The following RARB variants were observed in gnomAD, a reference collection of about 807,000 sequenced individuals.
RARB encodes retinoic acid receptor beta, also known as HBV-activated protein.
RARB carries 17 observed loss-of-function variants against 51.9 expected under a neutral mutation model. The observed-to-expected ratio is 0.33, with a 90% confidence interval of 0.22 to 0.49. RARB has a LOEUF of 0.49. Among genes scored for constraint, RARB ranks in the 20% least tolerant of loss-of-function variants. RARB has a pLI of 0.99. For synonymous variants in RARB, 215 were observed against 195.4 expected (o/e 1.10, Z -0.84); for missense variants, 369 against 550.8 (o/e 0.67, Z 3.30).
intron 3 of RARB, among the ~76,000 whole-genome samples, chr3:25,563,612 T>C (rs1266701566): frequency 1.3e-5 from 2 of 152,228 alleles, no homozygotes; most frequent in Non-Finnish European, 2.9e-5. Flanking sequence ...TCTCTAACAA[T>C]TAGTAATAGA....
At chr3:25,244,741 C>T (rs181923862) in intron 5 of RARB, among the ~76,000 whole-genome samples, 1 of 152,112 alleles carries the variant, frequency 6.6e-6, no homozygotes, top group East Asian at 1.9e-4. Context: ...ATTATGTGGT[C>T]GATTTTAGTA....
At chr3:25,060,133 G>GA (rs759293703) in exon 3 of RARB, 8 of 151,766 alleles carry the variant, frequency 5.3e-5, no homozygotes, top group Non-Finnish European at 1.0e-4. Context: ...AGATAAAACA[G>GA]AGTACTGCAG....
chr3:24,927,499 C>G (rs1559399387), intron 2 of RARB, among the ~76,000 whole-genome samples: 1 of 152,000 alleles, frequency 6.6e-6, no homozygotes, highest in Non-Finnish European at 1.5e-5. Flanking sequence ...ATTGAAAGCT[C>G]TATGTGACAT....
At chr3:25,494,280 T>TACACACACACACACACACAC (rs1559433199) in intron 2 of RARB, among the ~76,000 whole-genome samples, 1 of 121,186 alleles carries the variant, frequency 8.3e-6, no homozygotes, top group African/African-American at 3.1e-5. Flanking sequence ...CACACACACA[T>TACACACACACACACACACAC]GCCATCATTT....
At chr3:25,149,707 C>T (rs962507164) in intron 4 of RARB, among the ~76,000 whole-genome samples, 2 of 152,192 alleles carry the variant, frequency 1.3e-5, no homozygotes, top group Non-Finnish European at 2.9e-5. Context: ...GCATGTATAA[C>T]GTACCCTGTC....
chr3:25,181,822 A>C (rs1390324702), intron 5 of RARB, among the ~76,000 whole-genome samples: 1 of 151,916 alleles, frequency 6.6e-6, no homozygotes, highest in Admixed American at 6.6e-5. Context: ...GTCATTCATC[A>C]TTTTATAAAA....
chr3:25,354,882 CT>C (rs10710847), intron 5 of RARB, among the ~76,000 whole-genome samples: 138,087 of 142,862 alleles, frequency 0.97, 66,783 homozygotes, highest in South Asian at 0.99. Context: ...TTTGCAAAGT[CT>C]TTTTTTTTTT....
chr3:25,102,567 T>C (rs1351016739), intron 3 of RARB, among the ~76,000 whole-genome samples: 3 of 151,864 alleles, frequency 2.0e-5, no homozygotes, highest in Non-Finnish European at 2.9e-5. Flanking sequence ...GAAATAAATA[T>C]ATAAAATACA....
chr3:25,197,275 T>C (rs1294164240), intron 5 of RARB, among the ~76,000 whole-genome samples: 10 of 152,166 alleles, frequency 6.6e-5, no homozygotes, highest in Admixed American at 6.6e-4. Context: ...GTTTCAGCTT[T>C]CTGCATATGG....
chr3:24,838,609 T>C (rs931752820), intron 1 of RARB, among the ~76,000 whole-genome samples: 2 of 152,230 alleles, frequency 1.3e-5, no homozygotes, highest in African/African-American at 4.8e-5. Flanking sequence ...AAGATAGCCA[T>C]GGTATTAAAC....
rs563142762 is a variant in RARB, at chr3:24,905,001, G to A, written c.-380+46249G>A. Among the ~76,000 whole-genome samples, 14 of 152,152 alleles carry A rather than the reference G, an allele frequency of 9.2e-5. No homozygotes were observed. The South Asian group carries it at 2.7e-3, about 29-fold the overall frequency. On this transcript the variant is annotated intron_variant, in intron 2 of 11. Transcript: ENST00000383772. ...GCACAGGGAGGGGAACATCACACAA[G>A]GGGAGGGATAGTATTAGGAAAAACA... is the stretch of plus-strand genomic sequence containing the variant.
chr3:25,022,518 C>T (rs1348567827), intron 2 of RARB, among the ~76,000 whole-genome samples: 1 of 152,140 alleles, frequency 6.6e-6, no homozygotes, highest in East Asian at 1.9e-4. Context: ...TCTGGTCAAA[C>T]TATTCCAAAG....
At chr3:25,279,921 C>A (rs1307181454) in intron 5 of RARB, among the ~76,000 whole-genome samples, 1 of 151,994 alleles carries the variant, frequency 6.6e-6, no homozygotes, top group Non-Finnish European at 1.5e-5. Flanking sequence ...CCTCAGGAGG[C>A]AAGACAGGAA....
chr3:25,492,361 A>G (rs1440325774), intron 2 of RARB, among the ~76,000 whole-genome samples: 1 of 152,232 alleles, frequency 6.6e-6, no homozygotes, highest in African/African-American at 2.4e-5. Context: ...TACGTTACCT[A>G]GTAACATTTC....
chr3:25,320,713 T>C (rs1379932061), intron 5 of RARB, among the ~76,000 whole-genome samples: 1 of 152,226 alleles, frequency 6.6e-6, no homozygotes, highest in Admixed American at 6.5e-5. Flanking sequence ...AACATACCTC[T>C]CAAAAAAGTG....
chr3:25,146,197 A>G (rs1279821798), intron 4 of RARB, among the ~76,000 whole-genome samples: 1 of 152,170 alleles, frequency 6.6e-6, no homozygotes, highest in Non-Finnish European at 1.5e-5. Flanking sequence ...GAGACAAGGC[A>G]CCCATGTCTT....
At chr3:25,260,939 C>T (rs1702983775) in intron 5 of RARB, among the ~76,000 whole-genome samples, 1 of 152,016 alleles carries the variant, frequency 6.6e-6, no homozygotes. Flanking sequence ...GGAAAATAGC[C>T]TCTGGAGAAT....
chr3:25,273,563 A>G (rs996524637), intron 5 of RARB, among the ~76,000 whole-genome samples: 1 of 152,176 alleles, frequency 6.6e-6, no homozygotes, highest in Non-Finnish European at 1.5e-5. Context: ...CTAGTCAGAG[A>G]CAGTGATAGG....
Position 25,063,601 on chromosome 3 carries a change from A to G in RARB, c.-328+3425A>G, listed in dbSNP as rs191398869. Reference sequence around the variant, plus strand: ...AGTGAAAAATGCTTCCAATAAGGCAAAATCTATGCCGGTGGAATTTGACTA... The same window carrying G: ...AGTGAAAAATGCTTCCAATAAGGCAGAATCTATGCCGGTGGAATTTGACTA... On this transcript the variant is annotated intron_variant, in intron 3 of 11. Coordinates refer to the RARB transcript ENST00000383772. Among the ~76,000 whole-genome samples the G allele has an allele frequency of 9.2e-3, 1,394 of 152,216 alleles. 10 individuals carry two copies. The highest frequency in any genetic ancestry group is 0.015 in the Non-Finnish European group (996 of 67,974).
Sources: gnomAD v4.1 joint callset for allele counts (sites outside exome capture counted in the v4.1 genomes callset) on GRCh38, gnomAD v4.1.1 for gene constraint, MANE v1.5 for transcripts, NCBI Gene and HGNC (gene_info 2026-07-23, HGNC 2026-07-21) for gene names.